The following DSCAML1 variants were observed in gnomAD, a reference collection of about 807,000 sequenced individuals.
DSCAML1 encodes DS cell adhesion molecule like 1.
Under a neutral mutation model 200.5 loss-of-function variants are expected in DSCAML1, and 38 were observed. The observed-to-expected ratio is 0.19, with a 90% CI of 0.15 to 0.25. The LOEUF is 0.25. Ranked by LOEUF, DSCAML1 falls within the 10% of genes least tolerant of loss-of-function variation. The pLI, the probability that DSCAML1 is intolerant of heterozygous loss-of-function variation, is 1.00. For synonymous variants in DSCAML1, 1,215 were observed against 1,165.0 expected (o/e 1.04, Z -0.87); for missense variants, 2,223 against 2,858.8 (o/e 0.78, Z 5.07).
chr11:117,438,073 T>C lies in DSCAML1; in HGVS notation c.4254A>G (p.Leu1418=). ...CCTCGCTGTTGTCCACCGAGTACTG[T>C]AGCACGAAGCCTGCGGAGGGTAGGC... is the stretch of plus-strand genomic sequence containing the variant. The part of the protein sequence containing the change: ...NGGSSIRGFV[L]QYSVDNSEEW... Residue 1418 remains leucine, a synonymous_variant, in exon 25 of 33, where the codon CTA becomes CTG. Coordinates refer to ENST00000651296, the MANE Select transcript of DSCAML1 (RefSeq NM_020693.4). 1 of 1,611,964 alleles carries C rather than the reference T, an allele frequency of 6.2e-7. No individual in the cohort carries two copies. Among genetic ancestry groups the C allele is most frequent in the Non-Finnish European group, 8.5e-7 (1 of 1,178,582 alleles).
intron 23 of DSCAML1, 65 bp from the exon 24 acceptor site, chr11:117,439,048 C>T (rs2047982832): frequency 6.8e-7 from 1 of 1,475,518 alleles, no homozygotes; most frequent in South Asian, 1.3e-5. Flanking sequence ...GTGGGGAGTC[C>T]CCCCGTGACG....
intron 3 of DSCAML1, among the ~76,000 whole-genome samples, chr11:117,767,322 A>G (rs1285774696): frequency 6.6e-6 from 1 of 152,152 alleles, no homozygotes; most frequent in African/African-American, 2.4e-5. Flanking sequence ...AATACGGACT[A>G]CATAGGGCAC....
At chr11:117,724,637 G>T (rs2054092993) in intron 3 of DSCAML1, among the ~76,000 whole-genome samples, 1 of 152,220 alleles carries the variant, frequency 6.6e-6, no homozygotes, top group African/African-American at 2.4e-5. Context: ...TTGCATTGTG[G>T]CTCCTGTAAG....
chr11:117,465,264 C>T, intron 16 of DSCAML1, 82 bp from the exon 17 acceptor site: 2 of 1,552,494 alleles, frequency 1.3e-6, no homozygotes, highest in South Asian at 2.4e-5. Flanking sequence ...CAGATCATGT[C>T]ACTCCTCTGC....
chr11:117,694,968 T>C (rs1049117155), intron 3 of DSCAML1, among the ~76,000 whole-genome samples: 2 of 152,218 alleles, frequency 1.3e-5, no homozygotes, highest in Admixed American at 6.5e-5. Flanking sequence ...GGACTTGACC[T>C]TCAGCCTTTA....
chr11:117,487,001 T>C (rs1445193209), intron 11 of DSCAML1, among the ~76,000 whole-genome samples: 2 of 137,522 alleles, frequency 1.5e-5, no homozygotes, highest in Non-Finnish European at 3.1e-5. Flanking sequence ...TTTGGCTCAC[T>C]GCAACCTCCG....
chr11:117,551,284 A>G (rs879864923), intron 3 of DSCAML1, among the ~76,000 whole-genome samples: 4 of 152,194 alleles, frequency 2.6e-5, no homozygotes, highest in Non-Finnish European at 5.9e-5. Flanking sequence ...GCATTCTCCA[A>G]TCCCACTAAA....
At chr11:117,787,866 G>A (rs995470452) in intron 1 of DSCAML1, among the ~76,000 whole-genome samples, 1 of 152,136 alleles carries the variant, frequency 6.6e-6, no homozygotes, top group African/African-American at 2.4e-5. Context: ...TTACTTCACT[G>A]TATTTCCACA....
chr11:117,525,028 C>A lies in DSCAML1; in HGVS notation c.714G>T (p.Trp238Cys), dbSNP rs1004586713. ...AGGGCAGCTCCACGGTGTGGCCGGC[C>A]CACACTTCCTGGGAGTGGAAGCCAT... ...ILDGFHSQEV[W>C]AGHTVELPCT... Residue 238 changes from tryptophan to cysteine, a missense_variant, in exon 5 of 33, where the codon TGG becomes TGT. By Grantham distance (215) the Trp-to-Cys change is radical. Coordinates refer to ENST00000651296, the MANE Select transcript of DSCAML1 (RefSeq NM_020693.4). The A allele has an allele frequency of 2.5e-6, 4 of 1,599,034 alleles. No homozygotes were observed. Among genetic ancestry groups the A allele is most frequent in the Non-Finnish European group, 2.6e-6 (3 of 1,174,336 alleles).
At chr11:117,658,887 C>A (rs1204672621) in intron 3 of DSCAML1, among the ~76,000 whole-genome samples, 4 of 152,190 alleles carry the variant, frequency 2.6e-5, no homozygotes, top group Non-Finnish European at 4.4e-5. Flanking sequence ...ACTGGGTGCC[C>A]CCAGGTCATG....
rs632971 is a variant in DSCAML1, at chr11:117,613,758, G to A, written c.512-81236C>T. 3.6e-3 allele frequency among the ~76,000 whole-genome samples: 552 copies of A among 152,308 alleles called. 6 individuals carry two copies. Among genetic ancestry groups the A allele is most frequent in the Admixed American group, 0.02 (305 of 15,306 alleles). On this transcript the variant is annotated intron_variant, in intron 3 of 32. Transcript: ENST00000651296. Reference sequence around the variant, plus strand: ...AAATATAACTGGCCCCAGGGGGTCGGAGACTGAGGCTGCTCTTCCCAGCTA... The same window carrying A: ...AAATATAACTGGCCCCAGGGGGTCGAAGACTGAGGCTGCTCTTCCCAGCTA...
chr11:117,443,782 C>T lies in DSCAML1; in HGVS notation c.3862+104G>A, dbSNP rs896674137. On this transcript the variant is annotated intron_variant, in intron 21 of 32. Coordinates refer to ENST00000651296, the MANE Select transcript of DSCAML1 (RefSeq NM_020693.4). ...TGGCCAGTTCCTCACAGCTGGGTGGCAGATAAAGCGGAGCAGGCAGAGACC... is the reference window on the plus strand; with the variant it reads ...TGGCCAGTTCCTCACAGCTGGGTGGTAGATAAAGCGGAGCAGGCAGAGACC... The T allele has an allele frequency of 2.6e-5, 38 of 1,457,720 alleles. No individual in the cohort carries two copies. The African/African-American group carries it at 5.1e-4, about 19-fold the overall frequency. The allele number at this position is 1,457,720 out of a possible 1,614,324, so 90.3% of individuals were successfully genotyped here. A position where few individuals can be genotyped will look rare whatever the true frequency, so the allele number is the denominator to read the frequency against.
At position 117,547,859 on chromosome 11, in the gene DSCAML1, CT is replaced by C. The variant is rs574422461; in HGVS notation, c.512-15338del. On this transcript the variant is annotated intron_variant, in intron 3 of 32. Coordinates refer to ENST00000651296, the MANE Select transcript of DSCAML1 (RefSeq NM_020693.4). ...GCAGCCCAAGCCCACAGTCATGCCCCTGACCTCCAGCCACGCTGGTCCTCCG... is the reference window on the plus strand; with the variant it reads ...GCAGCCCAAGCCCACAGTCATGCCCCGACCTCCAGCCACGCTGGTCCTCCG... Among the ~76,000 whole-genome samples, 249 of 152,340 alleles carry C rather than the reference CT, an allele frequency of 1.6e-3. 2 individuals carry two copies. Among genetic ancestry groups the C allele is most frequent in the Admixed American group, 3.0e-3 (46 of 15,310 alleles).
chr11:117,441,798 A>G (rs1360107489), intron 21 of DSCAML1, among the ~76,000 whole-genome samples: 3 of 152,040 alleles, frequency 2.0e-5, no homozygotes, highest in Non-Finnish European at 2.9e-5. Context: ...TGCTTGGAGC[A>G]GTGGGGGCAC....
At chr11:117,499,912 C>G (rs2049364454) in intron 11 of DSCAML1, among the ~76,000 whole-genome samples, 1 of 152,224 alleles carries the variant, frequency 6.6e-6, no homozygotes, top group Non-Finnish European at 1.5e-5. Context: ...CGACTCCCAT[C>G]CAGACCCTCG....
In DSCAML1 at chr11:117,698,485, T is replaced by C. The variant is rs538358320; in HGVS notation, c.511+78306A>G. ...CAAAACTTTTTGGGAACTATCATAC[T>C]GTTTTCCAGAATGGCTACACAATTT... is the stretch of plus-strand genomic sequence containing the variant. On this transcript the variant is annotated intron_variant, in intron 3 of 32. Coordinates refer to ENST00000651296, the MANE Select transcript of DSCAML1 (RefSeq NM_020693.4). Among the ~76,000 whole-genome samples the C allele has an allele frequency of 2.0e-5, 3 of 152,344 alleles. No individual in the cohort carries two copies. In the South Asian group the frequency reaches 6.2e-4, roughly 32 times the overall value.
intron 3 of DSCAML1, among the ~76,000 whole-genome samples, chr11:117,670,833 C>T (rs557430685): frequency 3.9e-5 from 6 of 152,226 alleles, no homozygotes; most frequent in Non-Finnish European, 8.8e-5. Flanking sequence ...AACCTGTCCC[C>T]GAGGGTCATT....
chr11:117,687,016 CTCT>C (rs1225582587), intron 3 of DSCAML1, among the ~76,000 whole-genome samples: 1 of 152,132 alleles, frequency 6.6e-6, no homozygotes, highest in Non-Finnish European at 1.5e-5. Context: ...TGTGGGTAGG[CTCT>C]TATTAACCCC....
At chr11:117,545,243 A>AC (rs1415893946) in intron 3 of DSCAML1, among the ~76,000 whole-genome samples, 1 of 145,038 alleles carries the variant, frequency 6.9e-6, no homozygotes, top group Non-Finnish European at 1.5e-5. Context: ...AAACACACAC[A>AC]CACACACACA....
Sources: gnomAD v4.1 joint callset for allele counts (sites outside exome capture counted in the v4.1 genomes callset) on GRCh38, gnomAD v4.1.1 for gene constraint, MANE v1.5 for transcripts, NCBI Gene and HGNC (gene_info 2026-07-23, HGNC 2026-07-21) for gene names.